UTP20: variants seen among roughly 807,000 people sequenced by gnomAD.
The protein encoded by UTP20 is UTP20 small subunit processome component, also known as small subunit processome component 20 homolog.
Under a neutral mutation model 329.5 loss-of-function variants are expected in UTP20, and 164 were observed. The ratio of observed to expected loss-of-function variants is 0.50; its 90% CI spans 0.44 to 0.57. The LOEUF (loss-of-function observed/expected upper bound fraction) is 0.57. UTP20 is among the 20% of genes least tolerant of loss of function. The probability of loss-of-function intolerance (pLI) is 0.00; values close to 1 mark genes in which losing one functional copy is unlikely to be tolerated. For synonymous variants in UTP20, 1,151 were observed against 1,159.3 expected, an observed-to-expected ratio of 0.99 and a Z score of 0.14; for missense variants, 3,055 against 3,284.2, an observed-to-expected ratio of 0.93 and a Z score of 1.71.
chr12:101,365,571 TACTC>T lies in UTP20; in HGVS notation c.6073_6076del (p.Leu2025ValfsTer4), dbSNP rs1565805779. 1.2e-6 allele frequency: 2 copies of T among 1,612,126 alleles called. No individual in the cohort carries two copies. The highest frequency in any genetic ancestry group is 1.7e-6 in the Non-Finnish European group (2 of 1,179,502). ...GAAATGACAGCTGAATCCATTCTATTACTCAGTTATGGTTTGATCAGTGAAAATC... is the reference window on the plus strand; with the variant it reads ...GAAATGACAGCTGAATCCATTCTATTAGTTATGGTTTGATCAGTGAAAATC... On this transcript the variant is annotated frameshift_variant, in exon 46 of 62. Coordinates refer to ENST00000261637, the MANE Select transcript of UTP20 (RefSeq NM_014503.3). LOFTEE classifies it high-confidence loss of function.
intron 28 of UTP20, 100 bp downstream of exon 28, chr12:101,333,544 G>A (rs1868832489): frequency 2.8e-6 from 4 of 1,438,368 alleles, no homozygotes; most frequent in East Asian, 2.3e-5. Flanking sequence ...GCTTACCTGG[G>A]TCTTTCCTTT....
chr12:101,366,523 TTCTTTAC>T (rs754511140), intron 46 of UTP20, 28 bp from the exon 47 acceptor site: 1 of 1,585,202 alleles, frequency 6.3e-7, no homozygotes. Flanking sequence ...GCTGACAGTG[TTCTTTAC>T]CCTCTTCTCA....
At position 101,286,498 on chromosome 12, in the gene UTP20, C is replaced by T. The variant is rs1871966090; in HGVS notation, c.504C>T (p.Ser168=). 1.2e-6 allele frequency: 2 copies of T among 1,601,838 alleles called. No homozygotes were observed. The highest frequency in any genetic ancestry group is 1.7e-6 in the Non-Finnish European group (2 of 1,174,408). The change falls in exon 5 of 62, where the codon TCC becomes TCT. Residue 168 remains serine, a synonymous_variant. Transcript: ENST00000261637. ...GGAGACTGATGGTGAAGGACATGTC[C>T]AGTATATACAGGTAACCCCTTTCTC... ...YLWRLMVKDM[S]SIYSMYSTLL...
intron 2 of UTP20, 76 bp from the exon 3 acceptor site, chr12:101,285,494 T>C (rs991490972): frequency 1.4e-6 from 2 of 1,444,018 alleles, no homozygotes; most frequent in South Asian, 2.4e-5. Flanking sequence ...AAGATATTAA[T>C]ATATCATTAT....
At chr12:101,311,594 T>A (rs1237635403) in intron 19 of UTP20, 125 bp from the exon 20 acceptor site, 1 of 813,864 alleles carries the variant, frequency 1.2e-6, no homozygotes, top group Admixed American at 2.9e-5. Context: ...TGTTTACGAC[T>A]CCACATTGAG....
At chr12:101,358,931 A>G (rs1168235636) in intron 43 of UTP20, among the ~76,000 whole-genome samples, 2 of 152,016 alleles carry the variant, frequency 1.3e-5, no homozygotes, top group African/African-American at 4.8e-5. Flanking sequence ...TGCTTTAAAG[A>G]CTTTATCGTT....
At chr12:101,301,445 A>G (rs1872520963) in intron 14 of UTP20, among the ~76,000 whole-genome samples, 1 of 152,194 alleles carries the variant, frequency 6.6e-6, no homozygotes, top group Non-Finnish European at 1.5e-5. Flanking sequence ...AAGTGAGTGG[A>G]TCACCTGAGG....
At chr12:101,307,001 G>A (rs564202285) in intron 17 of UTP20, among the ~76,000 whole-genome samples, 87 of 151,872 alleles carry the variant, frequency 5.7e-4, no homozygotes, top group African/African-American at 2.0e-3. Context: ...GTGAAACTCC[G>A]TCTCTACCAA....
In UTP20 at chr12:101,295,588, G is replaced by T; in HGVS notation, c.1360G>T (p.Ala454Ser). 1 of 1,613,676 alleles carries T rather than the reference G, an allele frequency of 6.2e-7. No individual in the cohort carries two copies. The highest frequency in any genetic ancestry group is 8.5e-7 in the Non-Finnish European group (1 of 1,179,856). The change falls in exon 12 of 62, where the codon GCA (alanine) becomes TCA (serine). Residue 454 changes from alanine (A) to serine (S), a missense_variant. Coordinates refer to ENST00000261637, the MANE Select transcript of UTP20 (RefSeq NM_014503.3). Reference sequence around the variant, plus strand: ...TCTGGCCAAGCTCATTCTGAACAAAGCAGCACCTCCCACTGCTGGCTCGAT... The same window carrying T: ...TCTGGCCAAGCTCATTCTGAACAAATCAGCACCTCCCACTGCTGGCTCGAT... The part of the protein sequence containing the change: ...AILAKLILNK[A>S]APPTAGSMAI...
chr12:101,297,079 T>C (rs1440566140), intron 12 of UTP20, among the ~76,000 whole-genome samples: 1 of 152,168 alleles, frequency 6.6e-6, no homozygotes, highest in African/African-American at 2.4e-5. Flanking sequence ...ATTCCTTGAG[T>C]TTGTGCTGAA....
At chr12:101,297,347 C>T (rs921083670) in intron 12 of UTP20, among the ~76,000 whole-genome samples, 1 of 152,188 alleles carries the variant, frequency 6.6e-6, no homozygotes, top group African/African-American at 2.4e-5. Flanking sequence ...TCCCAGGTAG[C>T]TGGAACCATA....
chr12:101,299,513 T>A (rs1165161658), intron 12 of UTP20, among the ~76,000 whole-genome samples, 169 bp from the exon 13 acceptor site: 1 of 152,168 alleles, frequency 6.6e-6, no homozygotes, highest in Non-Finnish European at 1.5e-5. Context: ...TTGAAAAAGC[T>A]TCTCACTGAA....
chr12:101,326,948 A>G (rs1427025906), intron 25 of UTP20, 133 bp from the exon 26 acceptor site: 1 of 923,486 alleles, frequency 1.1e-6, no homozygotes, highest in African/African-American at 1.7e-5. Context: ...TCTAATTTCT[A>G]TTTTCATGTT....
intron 21 of UTP20, among the ~76,000 whole-genome samples, chr12:101,314,771 G>A (rs910745568): frequency 8.5e-5 from 13 of 152,060 alleles, no homozygotes; most frequent in South Asian, 2.1e-4. Flanking sequence ...GGGAAATGCC[G>A]GGGCAGAGAG....
At chr12:101,339,958 A>G (rs545542135) in intron 31 of UTP20, among the ~76,000 whole-genome samples, 1 of 152,344 alleles carries the variant, frequency 6.6e-6, no homozygotes, top group African/African-American at 2.4e-5. Flanking sequence ...TAATACACTC[A>G]TTAAATTTCA....
Position 101,386,215 on chromosome 12 carries a change from T to A in UTP20, c.*92T>A. 1.8e-6 allele frequency: 2 copies of A among 1,103,852 alleles called. No homozygotes were observed. Among genetic ancestry groups the A allele is most frequent in the South Asian group, 1.6e-5 (1 of 62,854 alleles). 68.4% of individuals were successfully genotyped at this position (1,103,852 alleles called of 1,614,324 possible). ...TTGTCTGGGGTAGGGGGGAGGCGTT[T>A]TTTTTTTTTTTTGAGACAAGGTCTC... On this transcript the variant is annotated 3_prime_UTR_variant, in exon 62 of 62. Coordinates refer to ENST00000261637, the MANE Select transcript of UTP20 (RefSeq NM_014503.3).
At chr12:101,336,360 T>G (rs187394488) in intron 29 of UTP20, among the ~76,000 whole-genome samples, 1 of 152,302 alleles carries the variant, frequency 6.6e-6, no homozygotes, top group Admixed American at 6.5e-5. Flanking sequence ...TAAAACAGAT[T>G]TTTCATCTAT....
chr12:101,354,755 G>T, intron 40 of UTP20, 77 bp from the exon 41 acceptor site: 2 of 1,484,858 alleles, frequency 1.3e-6, no homozygotes, highest in Non-Finnish European at 1.8e-6. Context: ...TTGGACGTTG[G>T]TGGGAAAAAC....
chr12:101,365,653 T>C (rs555833672), intron 46 of UTP20, 28 bp downstream of exon 46: 32 of 1,530,342 alleles, frequency 2.1e-5, no homozygotes, highest in Non-Finnish European at 2.5e-5. Context: ...CAAACTGTCA[T>C]TTAGGTCTCT....
Sources: allele counts gnomAD v4.1 joint callset (sites outside exome capture counted in the v4.1 genomes callset), GRCh38; gene constraint gnomAD v4.1.1; transcripts MANE v1.5; gene names NCBI Gene and HGNC (gene_info 2026-07-23, HGNC 2026-07-21).